Variants in TMEM164 observed in about 807,000 individuals in gnomAD.
The protein encoded by TMEM164 is RP13-360B22.2.
TMEM164 carries 4 observed loss-of-function variants against 18.8 expected under a neutral mutation model. The ratio of observed to expected loss-of-function variants is 0.21; its 90% CI spans 0.10 to 0.49. The LOEUF (loss-of-function observed/expected upper bound fraction) is 0.49. Among genes scored for constraint, TMEM164 ranks in the 20% least tolerant of loss-of-function variants. The pLI, the probability that TMEM164 is intolerant of heterozygous loss-of-function variation, is 0.98. For missense variants in TMEM164, 108 were observed against 239.9 expected (o/e 0.45, Z 3.63); for synonymous variants, 86 against 101.7 (o/e 0.85, Z 0.93).
chrX:110,061,567 T>G (rs1936123710), intron 2 of TMEM164, among the ~76,000 whole-genome samples: 1 of 112,215 alleles, frequency 8.9e-6, no homozygotes. Context: ...TCTCCTTATT[T>G]TATACCTCAG....
At chrX:110,052,875 C>T (rs768019771) in intron 2 of TMEM164, among the ~76,000 whole-genome samples, 1 of 108,684 alleles carries the variant, frequency 9.2e-6, no homozygotes, top group East Asian at 2.9e-4. Context: ...CTCAGCCTCC[C>T]GAGTAGGTGG....
chrX:110,031,267 G>A (rs771304795), intron 2 of TMEM164, among the ~76,000 whole-genome samples: 1 of 112,022 alleles, frequency 8.9e-6, no homozygotes, highest in South Asian at 3.7e-4. Flanking sequence ...AGTATTCCAT[G>A]GTGTATATGT....
chrX:110,093,718 G>A (rs1386639411), intron 3 of TMEM164, among the ~76,000 whole-genome samples: 1 of 110,862 alleles, frequency 9.0e-6, no homozygotes, highest in Non-Finnish European at 1.9e-5. Context: ...GTTATTTCTT[G>A]CCTTCCGCTA....
At chrX:110,082,465 A>G (rs1352968652) in intron 3 of TMEM164, among the ~76,000 whole-genome samples, 1 of 111,839 alleles carries the variant, frequency 8.9e-6, no homozygotes, top group Non-Finnish European at 1.9e-5. Flanking sequence ...AGTGCCGTTG[A>G]CATCCAAGCC....
At chrX:110,020,555 A>G in intron 2 of TMEM164, 1 of 754,648 alleles carries the variant, frequency 1.3e-6, no homozygotes, top group Non-Finnish European at 1.6e-6. Context: ...CGGAGCAGCC[A>G]TCCAGGAAGT....
intron 4 of TMEM164, among the ~76,000 whole-genome samples, chrX:110,124,449 G>GT (rs2066501759): frequency 3.6e-5 from 4 of 111,215 alleles, no homozygotes; most frequent in African/African-American, 9.8e-5. Context: ...CACACGCCTA[G>GT]GACCTTGAGT....
At chrX:110,147,609 CTT>C (rs201481928) in intron 5 of TMEM164, among the ~76,000 whole-genome samples, 7 of 109,573 alleles carry the variant, frequency 6.4e-5, no homozygotes, top group African/African-American at 2.3e-4. Flanking sequence ...TATTCTCTCT[CTT>C]TTTTTTTCAT....
chrX:110,008,225 C>G (rs1932836775), intron 2 of TMEM164, among the ~76,000 whole-genome samples: 1 of 112,202 alleles, frequency 8.9e-6, no homozygotes, highest in Non-Finnish European at 1.9e-5. Flanking sequence ...TTTTGTGAAA[C>G]CCCTTGCAAC....
intron 4 of TMEM164, among the ~76,000 whole-genome samples, chrX:110,127,974 C>T (rs1210391278): frequency 1.8e-5 from 2 of 112,375 alleles, no homozygotes; most frequent in African/African-American, 3.2e-5. Flanking sequence ...GTCCACTAAA[C>T]GTATGTTCCT....
intron 5 of TMEM164, among the ~76,000 whole-genome samples, chrX:110,159,340 A>G (rs1175750568): frequency 2.7e-5 from 3 of 111,029 alleles, no homozygotes; most frequent in African/African-American, 6.6e-5. Flanking sequence ...AGGAGCATCA[A>G]GGGATCACAG....
intron 3 of TMEM164, among the ~76,000 whole-genome samples, chrX:110,076,903 G>C (rs190080590): frequency 1.8e-5 from 2 of 111,965 alleles, no homozygotes; most frequent in African/African-American, 6.5e-5. Context: ...AGTATGTTCC[G>C]TGTGCAGATG....
intron 2 of TMEM164, among the ~76,000 whole-genome samples, chrX:110,016,814 G>A (rs996530761): frequency 3.0e-4 from 33 of 110,247 alleles, no homozygotes; most frequent in African/African-American, 4.0e-4. Context: ...GCATCACCAC[G>A]CCCAGCTAAT....
chrX:110,095,373 C>T (rs953804832), intron 3 of TMEM164, among the ~76,000 whole-genome samples: 4 of 111,643 alleles, frequency 3.6e-5, no homozygotes, highest in Admixed American at 9.5e-5. Context: ...AGGCTTTGTT[C>T]GTTTCTTTTT....
At chrX:110,162,645 A>G (rs1261160441) in intron 5 of TMEM164, among the ~76,000 whole-genome samples, 2 of 112,396 alleles carry the variant, frequency 1.8e-5, no homozygotes, top group African/African-American at 6.5e-5. Context: ...TGGGGAATCA[A>G]ATATTCACGA....
At chrX:110,079,842 AG>A (rs2065726478) in intron 3 of TMEM164, among the ~76,000 whole-genome samples, 1 of 67,024 alleles carries the variant, frequency 1.5e-5, no homozygotes, top group African/African-American at 5.7e-5. Flanking sequence ...GGGTAGGGGG[AG>A]GGGGGAGGGA....
At chrX:110,037,173 G>C (rs1162972259) in intron 2 of TMEM164, among the ~76,000 whole-genome samples, 1 of 111,161 alleles carries the variant, frequency 9.0e-6, no homozygotes, top group African/African-American at 3.3e-5. Context: ...TGATTCCAGC[G>C]GGAGGTGTAT....
At chrX:110,152,509 A>T (rs946883432) in intron 5 of TMEM164, among the ~76,000 whole-genome samples, 4 of 111,558 alleles carry the variant, frequency 3.6e-5, no homozygotes, top group Non-Finnish European at 7.5e-5. Context: ...TTTTACATTT[A>T]AGTCTTTTAT....
intron 4 of TMEM164, among the ~76,000 whole-genome samples, chrX:110,129,418 G>A (rs746364149): frequency 8.9e-6 from 1 of 112,450 alleles, no homozygotes; most frequent in Non-Finnish European, 1.9e-5. Context: ...GCCCTGTGAA[G>A]CTATGAGAAA....
At chrX:110,019,075 G>C (rs1933649334) in intron 2 of TMEM164, among the ~76,000 whole-genome samples, 1 of 111,531 alleles carries the variant, frequency 9.0e-6, no homozygotes, top group Non-Finnish European at 1.9e-5. Context: ...GGGCCATCAA[G>C]CAATGTAGAT....
Sources: allele counts gnomAD v4.1 joint callset (sites outside exome capture counted in the v4.1 genomes callset), GRCh38; gene constraint gnomAD v4.1.1; transcripts MANE v1.5; gene names NCBI Gene and HGNC (gene_info 2026-07-23, HGNC 2026-07-21).